The following HYCC2 variants were observed in gnomAD, a reference collection of about 807,000 sequenced individuals.
HYCC2 encodes the protein hyccin PI4KA lipid kinase complex subunit 2.
the HYCC2 span, among the ~76,000 whole-genome samples, chr2:201,020,853 C>T: frequency 1.3e-5 from 2 of 152,264 alleles, no homozygotes; most frequent in East Asian, 3.9e-4. Flanking sequence ...CTGCAACCTC[C>T]GCCTCCCAAG....
the HYCC2 span, among the ~76,000 whole-genome samples, chr2:200,982,978 C>T: frequency 4.6e-5 from 7 of 151,912 alleles, no homozygotes; most frequent in East Asian, 1.9e-4. Flanking sequence ...GGCTGGTCTC[C>T]GACTCCTGAC....
chr2:201,007,398 T>C, the HYCC2 span, among the ~76,000 whole-genome samples: 2 of 152,238 alleles, frequency 1.3e-5, no homozygotes, highest in Non-Finnish European at 2.9e-5. Flanking sequence ...ATATTTATCA[T>C]AAAATTGAGT....
At chr2:201,063,372 C>G in the HYCC2 span, 1 of 1,579,408 alleles carries the variant, frequency 6.3e-7, no homozygotes, top group Non-Finnish European at 8.6e-7. Context: ...AGAGAAGATT[C>G]TCAAAGACCA....
chr2:201,021,989 G>A, the HYCC2 span: 1 of 922,404 alleles, frequency 1.1e-6, no homozygotes, highest in Non-Finnish European at 1.5e-6. Flanking sequence ...AGGTCAATAA[G>A]CAAGCTTTTA....
the HYCC2 span, among the ~76,000 whole-genome samples, chr2:201,043,190 C>A: frequency 2.0e-5 from 3 of 152,032 alleles, no homozygotes; most frequent in Non-Finnish European, 1.5e-5. Flanking sequence ...GGATTAAGGG[C>A]GGTGCAAGTT....
the HYCC2 span, among the ~76,000 whole-genome samples, chr2:200,995,649 C>CG: frequency 1.3e-5 from 2 of 152,150 alleles, 1 homozygote; most frequent in African/African-American, 4.8e-5. Context: ...GCCCTCAGTC[C>CG]TACAGCCACA....
At chr2:200,984,241 T>C in the HYCC2 span, among the ~76,000 whole-genome samples, 3 of 152,170 alleles carry the variant, frequency 2.0e-5, no homozygotes, top group Admixed American at 6.5e-5. Flanking sequence ...GGTTTTGCCA[T>C]GTTGCCCAGG....
chr2:200,979,244 A>AT, the HYCC2 span: 3 of 148,234 alleles, frequency 2.0e-5, no homozygotes, highest in Non-Finnish European at 3.0e-5. Flanking sequence ...CAACTTTGTG[A>AT]TATATACATA....
chr2:201,049,936 G>A, the HYCC2 span, among the ~76,000 whole-genome samples: 3 of 151,780 alleles, frequency 2.0e-5, no homozygotes, highest in Non-Finnish European at 4.4e-5. Context: ...CTGGGCTCAG[G>A]CAATCCTCCT....
the HYCC2 span, among the ~76,000 whole-genome samples, chr2:200,983,048 G>A: frequency 6.6e-6 from 1 of 152,124 alleles, no homozygotes; most frequent in Non-Finnish European, 1.5e-5. Flanking sequence ...ATGAGCCACC[G>A]CGCCCGGCCA....
chr2:201,042,613 C>T, the HYCC2 span, among the ~76,000 whole-genome samples: 1 of 150,840 alleles, frequency 6.6e-6, no homozygotes, highest in African/African-American at 2.4e-5. Context: ...GCAGCCGCCC[C>T]GTCTGGGGGA....
chr2:201,025,149 C>A, the HYCC2 span, among the ~76,000 whole-genome samples: 3 of 151,784 alleles, frequency 2.0e-5, no homozygotes, highest in Non-Finnish European at 4.4e-5. Flanking sequence ...TAGGAAAATG[C>A]CCAAGTAGAA....
At chr2:201,056,618 G>A in the HYCC2 span, among the ~76,000 whole-genome samples, 1 of 147,422 alleles carries the variant, frequency 6.8e-6, no homozygotes, top group Non-Finnish European at 1.5e-5. Context: ...AGGTTGCGGT[G>A]AGCAAAGATC....
chr2:201,040,609 C>T, the HYCC2 span, among the ~76,000 whole-genome samples: 145 of 152,004 alleles, frequency 9.5e-4, no homozygotes, highest in African/African-American at 3.2e-3. Context: ...CCTCAGCCTC[C>T]GAGTAGCTGG....
the HYCC2 span, among the ~76,000 whole-genome samples, chr2:200,991,568 C>CA: frequency 0.13 from 15,452 of 119,318 alleles, 1,095 homozygotes; most frequent in Non-Finnish European, 0.18. Flanking sequence ...GACTCCGTCT[C>CA]AAAAAAAAAA....
the HYCC2 span, among the ~76,000 whole-genome samples, chr2:201,007,997 T>C: frequency 2.0e-5 from 3 of 152,216 alleles, no homozygotes; most frequent in Non-Finnish European, 2.9e-5. Context: ...TTCTACTATA[T>C]GTGTCTCTTT....
the HYCC2 span, among the ~76,000 whole-genome samples, chr2:200,984,807 C>G: frequency 6.6e-6 from 1 of 152,162 alleles, no homozygotes; most frequent in Non-Finnish European, 1.5e-5. Context: ...TCACTAAGTC[C>G]AGGAATTCGA....
the HYCC2 span, among the ~76,000 whole-genome samples, chr2:201,067,770 T>C: frequency 6.6e-6 from 1 of 152,256 alleles, no homozygotes; most frequent in South Asian, 2.1e-4. Context: ...CTCCAACTCT[T>C]ATTTTCCAAT....
chr2:201,014,293 TCTG>T, the HYCC2 span, among the ~76,000 whole-genome samples: 4 of 145,798 alleles, frequency 2.7e-5, no homozygotes, highest in South Asian at 9.0e-4. Flanking sequence ...TTACTAAGTA[TCTG>T]CTGGTAAGCA....
Sources: gnomAD v4.1 joint callset for allele counts (sites outside exome capture counted in the v4.1 genomes callset) on GRCh38, gnomAD v4.1.1 for gene constraint, MANE v1.5 for transcripts, NCBI Gene and HGNC (gene_info 2026-07-23, HGNC 2026-07-21) for gene names.